EYS: variants seen among roughly 807,000 people sequenced by gnomAD.
The protein encoded by EYS is protein eyes shut homolog.
A neutral mutation model predicts 282.1 loss-of-function variants in EYS; 250 were observed. The ratio of observed to expected loss-of-function variants is 0.89; its 90% CI spans 0.80 to 0.98. EYS has a LOEUF of 0.98. EYS is among the 50% of genes least tolerant of loss of function. The pLI, the probability that EYS is intolerant of heterozygous loss-of-function variation, is 0.00. For missense variants in EYS, 4,016 were observed against 3,709.0 expected, an observed-to-expected ratio of 1.08 and a Z score of -2.15; for synonymous variants, 1,355 against 1,282.9, an observed-to-expected ratio of 1.06 and a Z score of -1.20.
intron 7 of EYS, among the ~76,000 whole-genome samples, chr6:65,389,963 G>A (rs777075376): frequency 6.6e-6 from 1 of 152,050 alleles, no homozygotes; most frequent in Admixed American, 6.6e-5. Context: ...GAATGTCAAT[G>A]TAGTCATATA....
At chr6:64,090,769 A>T (rs1562195337) in intron 31 of EYS, among the ~76,000 whole-genome samples, 1 of 152,090 alleles carries the variant, frequency 6.6e-6, no homozygotes, top group East Asian at 1.9e-4. Flanking sequence ...TCCTCTTCCC[A>T]TCCTTCCACT....
chr6:65,031,899 A>G (rs762022837), intron 13 of EYS, among the ~76,000 whole-genome samples: 12 of 152,132 alleles, frequency 7.9e-5, no homozygotes, highest in Non-Finnish European at 1.6e-4. Flanking sequence ...TGAAATTAAT[A>G]CATGAAAAAT....
At position 63,830,209 on chromosome 6, in the gene EYS, G is replaced by A. The variant is rs542492815; in HGVS notation, c.7229-23837C>T. Among the ~76,000 whole-genome samples, 10 of 152,334 alleles carry A rather than the reference G, an allele frequency of 6.6e-5. No homozygotes were observed. In the South Asian group the frequency reaches 1.2e-3, roughly 19 times the overall value. On this transcript the variant is annotated intron_variant, in intron 36 of 42. Coordinates refer to ENST00000503581, the MANE Select transcript of EYS (RefSeq NM_001142800.2). ...CACCAGCAACTGAACAAAGCTGGAC[G>A]GAGATGACTTTGACAAGTTGAGAGA...
intron 26 of EYS, among the ~76,000 whole-genome samples, chr6:64,500,760 T>C (rs1196561438): frequency 1.3e-5 from 2 of 152,086 alleles, no homozygotes; most frequent in Non-Finnish European, 2.9e-5. Context: ...TTAAATGGAT[T>C]ATTTTATGTT....
chr6:65,222,126 G>A (rs1323746778), intron 12 of EYS, among the ~76,000 whole-genome samples: 1 of 152,138 alleles, frequency 6.6e-6, no homozygotes, highest in Non-Finnish European at 1.5e-5. Context: ...CTTTGGACTT[G>A]GACTTTTGGG....
intron 31 of EYS, among the ~76,000 whole-genome samples, chr6:64,162,786 A>T (rs552283557): frequency 1.3e-5 from 2 of 152,250 alleles, no homozygotes; most frequent in East Asian, 3.9e-4. Context: ...TTTGTGATTG[A>T]TTTTTATATA....
intron 35 of EYS, among the ~76,000 whole-genome samples, chr6:63,966,518 C>T (rs2170542): frequency 6.6e-6 from 1 of 151,222 alleles, no homozygotes; most frequent in East Asian, 1.9e-4. Context: ...GAAAAAAAAA[C>T]TGGTTGCTGC....
chr6:64,971,147 G>A (rs1219994304), intron 14 of EYS, among the ~76,000 whole-genome samples: 3 of 152,122 alleles, frequency 2.0e-5, no homozygotes, highest in Admixed American at 6.5e-5. Context: ...GATAATTTTA[G>A]GAAGAGTTTG....
chr6:64,267,021 T>G (rs970099661), intron 30 of EYS, among the ~76,000 whole-genome samples: 4 of 152,214 alleles, frequency 2.6e-5, no homozygotes, highest in Non-Finnish European at 5.9e-5. Context: ...GTGCATGCTT[T>G]AAATATTCAA....
intron 2 of EYS, among the ~76,000 whole-genome samples, chr6:65,624,190 A>C (rs1766617493): frequency 6.6e-6 from 1 of 152,242 alleles, no homozygotes; most frequent in Non-Finnish European, 1.5e-5. Context: ...CTTATACAAA[A>C]GCAATAAAAG....
At chr6:64,021,170 C>T (rs565102139) in intron 33 of EYS, among the ~76,000 whole-genome samples, 171 of 149,908 alleles carry the variant, frequency 1.1e-3, no homozygotes, top group Non-Finnish European at 1.8e-3. Flanking sequence ...AAAAAAAAAG[C>T]CTTTTCTTTA....
At chr6:64,220,780 C>T (rs1026877146) in intron 31 of EYS, among the ~76,000 whole-genome samples, 2 of 152,050 alleles carry the variant, frequency 1.3e-5, no homozygotes, top group Non-Finnish European at 2.9e-5. Flanking sequence ...TTGAATCTAA[C>T]GTTGTTTATT....
chr6:65,330,789 T>G (rs538839143), intron 11 of EYS: 3 of 963,334 alleles, frequency 3.1e-6, no homozygotes, highest in African/African-American at 3.5e-5. Context: ...TTTCTTTCAT[T>G]TATATCGTCA....
At chr6:64,530,736 C>T (rs1358728661) in intron 26 of EYS, among the ~76,000 whole-genome samples, 1 of 152,024 alleles carries the variant, frequency 6.6e-6, no homozygotes, top group Non-Finnish European at 1.5e-5. Flanking sequence ...TCTTGAAAAA[C>T]ATCTCCTGGC....
chr6:64,391,836 G>A (rs943447904), intron 28 of EYS, among the ~76,000 whole-genome samples: 1 of 152,112 alleles, frequency 6.6e-6, no homozygotes, highest in African/African-American at 2.4e-5. Flanking sequence ...CTGGCAAATT[G>A]GGTAAACAGT....
intron 2 of EYS, among the ~76,000 whole-genome samples, chr6:65,535,387 T>G (rs1347845392): frequency 6.6e-6 from 1 of 152,232 alleles, no homozygotes; most frequent in South Asian, 2.1e-4. Flanking sequence ...CTCATGGTAG[T>G]GAATAAGTCT....
At chr6:64,059,112 C>T (rs1771079007) in intron 33 of EYS, among the ~76,000 whole-genome samples, 1 of 152,144 alleles carries the variant, frequency 6.6e-6, no homozygotes, top group South Asian at 2.1e-4. Context: ...ACCTTGATAT[C>T]TTTGCAGATC....
chr6:65,400,668 C>T (rs1318320495), intron 7 of EYS, among the ~76,000 whole-genome samples: 1 of 151,894 alleles, frequency 6.6e-6, no homozygotes, highest in African/African-American at 2.4e-5. Flanking sequence ...CAATGTTTCA[C>T]TGTCTTTCTC....
intron 31 of EYS, among the ~76,000 whole-genome samples, chr6:64,175,341 C>A (rs1039147908): frequency 6.6e-6 from 1 of 152,100 alleles, no homozygotes; most frequent in African/African-American, 2.4e-5. Flanking sequence ...TGCTTCTATC[C>A]CTTTCAGGAA....
Sources: gnomAD v4.1 joint callset for allele counts (sites outside exome capture counted in the v4.1 genomes callset) on GRCh38, gnomAD v4.1.1 for gene constraint, MANE v1.5 for transcripts, NCBI Gene and HGNC (gene_info 2026-07-23, HGNC 2026-07-21) for gene names.